PIK3C3: variants seen among roughly 807,000 people sequenced by gnomAD.
PIK3C3 encodes phosphatidylinositol 3-kinase catalytic subunit type 3.
PIK3C3 carries 95 observed loss-of-function variants against 126.1 expected under a neutral mutation model. The ratio of observed to expected loss-of-function variants is 0.75; its 90% CI spans 0.64 to 0.89. The LOEUF is 0.89. Ranked by LOEUF, PIK3C3 falls within the 40% of genes least tolerant of loss-of-function variation. The pLI is 0.00. For synonymous variants in PIK3C3, 374 were observed against 360.0 expected, an observed-to-expected ratio of 1.04 and a Z score of -0.44; for missense variants, 829 against 1,063.2, an observed-to-expected ratio of 0.78 and a Z score of 3.06.
intron 5 of PIK3C3, among the ~76,000 whole-genome samples, chr18:41,989,207 A>G (rs1332535357): frequency 6.6e-6 from 1 of 151,902 alleles, no homozygotes. Context: ...TTAGCTTCCC[A>G]AGTTGCTAGG....
At position 42,081,527 on chromosome 18, in the gene PIK3C3, A is replaced by G. The variant is rs1986250600; in HGVS notation, c.*390A>G. On this transcript the variant is annotated 3_prime_UTR_variant, in exon 25 of 25. Coordinates refer to ENST00000262039, the MANE Select transcript of PIK3C3 (RefSeq NM_002647.4). ...ATATCTTCATATCAGGACAGCAGTA[A>G]CCTGAATTTAGATTGTCACAGTTTA... 1 of 180,664 alleles carries G rather than the reference A, an allele frequency of 5.5e-6. No homozygotes were observed. The highest frequency in any genetic ancestry group is 2.0e-4 in the South Asian group (1 of 5,064). 11.2% of individuals were successfully genotyped at this position (180,664 alleles called of 1,614,324 possible).
intron 4 of PIK3C3, among the ~76,000 whole-genome samples, chr18:41,981,134 T>TA (rs1364853226): frequency 1.3e-5 from 2 of 152,190 alleles, no homozygotes. Context: ...AATTGTGTTA[T>TA]AACAAGCGTT....
chr18:42,054,126 GTATATATATATATATATATATATA>G lies in PIK3C3; in HGVS notation c.2264-3714_2264-3691del, dbSNP rs60224978. 7.5e-3 allele frequency among the ~76,000 whole-genome samples: 520 copies of G among 69,504 alleles called. 6 individuals are homozygous for G. The highest frequency in any genetic ancestry group is 0.011 in the Non-Finnish European group (371 of 35,202). 45.6% of individuals were successfully genotyped at this position (69,504 alleles called of 152,430 possible). On this transcript the variant is annotated intron_variant, in intron 21 of 24. Coordinates refer to ENST00000262039, the MANE Select transcript of PIK3C3 (RefSeq NM_002647.4). ...GTTCTCTAGAGGGACAGAACTAATGGTATATATATATATATATATATATATATATATATATATATATATATATAT... is the reference window on the plus strand; with the variant it reads ...GTTCTCTAGAGGGACAGAACTAATGGTATATATATATATATATATATATAT...
rs1219729881 is a variant in PIK3C3, at chr18:41,996,002, A to G, written c.891+8A>G. ...ACGAGAGATCAGTTAAATGTAAGAG[A>G]ATTATGAAATATTAATTTAAAAATA... On this transcript the variant is annotated splice_region_variant and intron_variant, in intron 8 of 24. Coordinates refer to ENST00000262039, the MANE Select transcript of PIK3C3 (RefSeq NM_002647.4). The G allele has an allele frequency of 1.2e-5, 18 of 1,553,226 alleles. No homozygotes were observed. The highest frequency in any genetic ancestry group is 2.7e-5 in the African/African-American group (2 of 73,606).
At chr18:42,030,604 T>G (rs1051862183) in intron 15 of PIK3C3, among the ~76,000 whole-genome samples, 4 of 152,140 alleles carry the variant, frequency 2.6e-5, no homozygotes, top group African/African-American at 7.2e-5. Context: ...TTCAGCAGGT[T>G]AGAGAGGGGA....
Position 42,076,131 on chromosome 18 carries a change from T to TATATATATGCACATATATATATGCAC in PIK3C3, c.2650-4984_2650-4983insGCACATATATATATGCACATATATAT, listed in dbSNP as rs1568013638. 4.2e-4 allele frequency among the ~76,000 whole-genome samples: 35 copies of TATATATATGCACATATATATATGCAC among 83,438 alleles called. 3 individuals carry two copies. The highest frequency in any genetic ancestry group is 2.7e-3 in the African/African-American group (35 of 12,836). 54.7% of individuals were successfully genotyped at this position (83,438 alleles called of 152,430 possible). On this transcript the variant is annotated intron_variant, in intron 24 of 24. Transcript: ENST00000262039. ...ATATATATATATATATGCGCATATA[T>TATATATATGCACATATATATATGCAC]ATATATATATATGCGCATATATATA...
At chr18:42,030,385 G>A (rs556451197) in intron 15 of PIK3C3, among the ~76,000 whole-genome samples, 2 of 152,114 alleles carry the variant, frequency 1.3e-5, no homozygotes, top group African/African-American at 2.4e-5. Context: ...TGAAAGATTC[G>A]CTTGGTATCT....
In PIK3C3 at chr18:42,015,764, T is replaced by A. The variant is rs1041862599; in HGVS notation, c.1416+198T>A. On this transcript the variant is annotated intron_variant, in intron 12 of 24. Coordinates refer to ENST00000262039, the MANE Select transcript of PIK3C3 (RefSeq NM_002647.4). ...TAGTCCTCAATTTGAGTCATTTTAT[T>A]GGTGCTTTGGGCATATAAATGGATT... Among the ~76,000 whole-genome samples the A allele has an allele frequency of 1.2e-4, 18 of 152,148 alleles. No homozygotes were observed. Among genetic ancestry groups the A allele is most frequent in the Non-Finnish European group, 2.1e-4 (14 of 68,010 alleles).
Position 42,082,772 on chromosome 18 carries a change from T to C in PIK3C3, c.*1635T>C, listed in dbSNP as rs114028825. 1 of 152,186 alleles carries C rather than the reference T, an allele frequency of 6.6e-6. No homozygotes were observed. Among genetic ancestry groups the C allele is most frequent in the Non-Finnish European group, 1.5e-5 (1 of 68,038 alleles). 9.4% of individuals were successfully genotyped at this position (152,186 alleles called of 1,614,324 possible). On this transcript the variant is annotated 3_prime_UTR_variant, in exon 25 of 25. Coordinates refer to ENST00000262039, the MANE Select transcript of PIK3C3 (RefSeq NM_002647.4). Reference sequence around the variant, plus strand: ...GGCTAAGAAAGTAAATATCTTCAGCTTTGGGGGGCATATGATCCCAATAGC... The same window carrying C: ...GGCTAAGAAAGTAAATATCTTCAGCCTTGGGGGGCATATGATCCCAATAGC...
intron 20 of PIK3C3, among the ~76,000 whole-genome samples, chr18:42,047,244 G>A (rs1485723678): frequency 6.6e-6 from 1 of 152,156 alleles, no homozygotes; most frequent in Non-Finnish European, 1.5e-5. Context: ...CTGCACTGAT[G>A]TACAGTGATG....
rs748748565 is a variant in PIK3C3, at chr18:42,064,713, AT to A, written c.2433-20del. ...AAATGCAGAATTCTTAATCGTTGCT[AT>A]TTTTTTCTTTTCTGCTCTTCTTTAG... is the stretch of plus-strand genomic sequence containing the variant. On this transcript the variant is annotated intron_variant, in intron 22 of 24. Transcript: ENST00000262039. The A allele has an allele frequency of 9.9e-6, 11 of 1,114,290 alleles. No individual in the cohort carries two copies. In the South Asian group the frequency reaches 1.2e-4, roughly 12 times the overall value. 69.0% of individuals were successfully genotyped at this position (1,114,290 alleles called of 1,614,324 possible).
intron 3 of PIK3C3, 114 bp from the exon 4 acceptor site, chr18:41,970,213 C>T: frequency 2.4e-6 from 2 of 825,900 alleles, no homozygotes; most frequent in Non-Finnish European, 1.9e-6. Flanking sequence ...TAAAGCTTGG[C>T]AGTGGAGATA....
intron 3 of PIK3C3, among the ~76,000 whole-genome samples, chr18:41,966,177 C>CTTTTTTTTTTTTTT (rs10539758): frequency 8.9e-6 from 1 of 112,574 alleles, no homozygotes; most frequent in Non-Finnish European, 1.7e-5. Context: ...TATATTGTTC[C>CTTTTTTTTTTTTTT]TTTTTTTTTT....
At chr18:41,988,698 T>C (rs1235816845) in intron 5 of PIK3C3, among the ~76,000 whole-genome samples, 1 of 152,166 alleles carries the variant, frequency 6.6e-6, no homozygotes, top group Non-Finnish European at 1.5e-5. Flanking sequence ...ATTTTAGCAT[T>C]ATTCTTTTAT....
intron 7 of PIK3C3, 86 bp from the exon 8 acceptor site, chr18:41,995,804 C>T (rs1981996926): frequency 1.1e-6 from 1 of 889,968 alleles, no homozygotes; most frequent in East Asian, 2.6e-5. Flanking sequence ...ATTAAATGCT[C>T]CTAAGTACCT....
rs532719117 is a variant in PIK3C3, at chr18:42,080,563, A to G, written c.2650-560A>G. Among the ~76,000 whole-genome samples, 8 of 152,338 alleles carry G rather than the reference A, an allele frequency of 5.3e-5. No individual in the cohort carries two copies. In the South Asian group the frequency reaches 1.7e-3, roughly 32 times the overall value. ...ACTCAGTGTATATTCAGCCAAACAA[A>G]GAAATCTTCGTTGATTTTATTCCTA... On this transcript the variant is annotated intron_variant, in intron 24 of 24. Transcript: ENST00000262039.
intron 20 of PIK3C3, among the ~76,000 whole-genome samples, chr18:42,048,181 A>G (rs948719259): frequency 1.3e-5 from 2 of 152,210 alleles, no homozygotes; most frequent in African/African-American, 4.8e-5. Context: ...TTTAATCATA[A>G]GAGTTTATTT....
At chr18:42,025,127 T>C (rs1465425785) in intron 13 of PIK3C3, among the ~76,000 whole-genome samples, 2 of 152,222 alleles carry the variant, frequency 1.3e-5, no homozygotes, top group African/African-American at 4.8e-5. Flanking sequence ...ATATTTTCAA[T>C]AACAGGAAAT....
chr18:42,066,742 C>G (rs560079460), intron 23 of PIK3C3, among the ~76,000 whole-genome samples: 2 of 152,114 alleles, frequency 1.3e-5, no homozygotes, highest in African/African-American at 4.8e-5. Flanking sequence ...ACTAGTTTTT[C>G]TAGTACTTAA....
Sources: gnomAD v4.1 joint callset for allele counts (sites outside exome capture counted in the v4.1 genomes callset) on GRCh38, gnomAD v4.1.1 for gene constraint, MANE v1.5 for transcripts, NCBI Gene and HGNC (gene_info 2026-07-23, HGNC 2026-07-21) for gene names.